TTC33: variants seen among roughly 807,000 people sequenced by gnomAD.
TTC33 encodes tetratricopeptide repeat protein 33.
A neutral mutation model predicts 29.4 loss-of-function variants in TTC33; 24 were observed. The ratio of observed to expected loss-of-function variants is 0.82; its 90% CI spans 0.59 to 1.15. The LOEUF (loss-of-function observed/expected upper bound fraction) is 1.15, where lower values mean the gene tolerates loss of function less well. Ranked by LOEUF, TTC33 falls within the 50% of genes most tolerant of loss-of-function variation. TTC33 has a pLI of 0.00. For missense variants in TTC33, 286 were observed against 310.4 expected (o/e 0.92, Z 0.59); for synonymous variants, 107 against 100.3 (o/e 1.07, Z -0.40).
rs1286758071 is a variant in TTC33, at chr5:40,738,567, T to TAAAATAAAATAAAATATAAAATAAA, written c.222-8225_222-8224insTTTATTTTATATTTTATTTTATTTT. Among the ~76,000 whole-genome samples the TAAAATAAAATAAAATATAAAATAAA allele has an allele frequency of 2.4e-3, 159 of 67,554 alleles. 8 individuals are homozygous for TAAAATAAAATAAAATATAAAATAAA. Among genetic ancestry groups the TAAAATAAAATAAAATATAAAATAAA allele is most frequent in the Admixed American group, 5.7e-3 (36 of 6,366 alleles). The allele number at this position is 67,554 out of a possible 152,430, so 44.3% of individuals were successfully genotyped here. On this transcript the variant is annotated intron_variant, in intron 2 of 4. Transcript: ENST00000337702. The stretch of plus-strand genomic sequence containing the variant: ...TAAAATAAAATAAAATAAAATAAAA[T>TAAAATAAAATAAAATATAAAATAAA]ATAAAATAAAATAAAATAAAATAAA...
At chr5:40,730,209 G>T in intron 3 of TTC33, 53 bp downstream of exon 3, 1 of 1,421,038 alleles carries the variant, frequency 7.0e-7, no homozygotes, top group Non-Finnish European at 9.8e-7. Flanking sequence ...CTCACTCACC[G>T]AACAAACATA....
intron 2 of TTC33, among the ~76,000 whole-genome samples, chr5:40,730,854 T>C (rs1042369187): frequency 3.3e-5 from 5 of 152,154 alleles, no homozygotes; most frequent in Admixed American, 6.5e-5. Context: ...AAAAAGTACA[T>C]GCCACTAAAC....
chr5:40,754,575 C>G (rs771016353), intron 1 of TTC33, among the ~76,000 whole-genome samples: 1 of 152,156 alleles, frequency 6.6e-6, no homozygotes, highest in Non-Finnish European at 1.5e-5. Flanking sequence ...CAAGGGCCCA[C>G]TACTGTGTAA....
chr5:40,727,177 C>T (rs944742787), intron 4 of TTC33, among the ~76,000 whole-genome samples: 5 of 152,282 alleles, frequency 3.3e-5, no homozygotes, highest in South Asian at 4.1e-4. Flanking sequence ...CCACAATTTA[C>T]TAAAACCACT....
rs752584772 is a variant in TTC33, at chr5:40,728,383, A to G, written c.397T>C (p.Leu133=). 9.3e-6 allele frequency: 15 copies of G among 1,613,312 alleles called. No individual in the cohort carries two copies. The highest frequency in any genetic ancestry group is 2.7e-5 in the African/African-American group (2 of 74,938). ...NPHSWESWQT[L]GRAQLGLGEI... ...CCTAAACCAAGTTGAGCACGTCCCA[A>G]AGTCTGCCAAGACTCCCATGAATGT... Residue 133 remains leucine, a synonymous_variant, in exon 4 of 5, where the codon TTG becomes CTG. Transcript: ENST00000337702.
chr5:40,752,630 T>A (rs774920763), intron 1 of TTC33, among the ~76,000 whole-genome samples: 1 of 152,318 alleles, frequency 6.6e-6, no homozygotes, highest in South Asian at 2.1e-4. Flanking sequence ...AAGTTCACCA[T>A]CTCATATGGG....
At chr5:40,744,308 C>G (rs1210951353) in intron 2 of TTC33, among the ~76,000 whole-genome samples, 1 of 152,008 alleles carries the variant, frequency 6.6e-6, no homozygotes, top group Non-Finnish European at 1.5e-5. Context: ...CCCTTTATTC[C>G]CAATTTGAGA....
intron 1 of TTC33, among the ~76,000 whole-genome samples, 154 bp downstream of exon 1, chr5:40,755,670 C>G (rs532677840): frequency 6.6e-6 from 1 of 152,236 alleles, no homozygotes; most frequent in African/African-American, 2.4e-5. Flanking sequence ...GGTCCTTTCT[C>G]CCCTAATCAC....
At chr5:40,739,340 C>T (rs537212335) in intron 2 of TTC33, among the ~76,000 whole-genome samples, 11 of 152,280 alleles carry the variant, frequency 7.2e-5, no homozygotes, top group Non-Finnish European at 1.2e-4. Context: ...AGATCAATTT[C>T]GGGAGAACTG....
intron 2 of TTC33, among the ~76,000 whole-genome samples, chr5:40,746,434 C>A (rs1479693270): frequency 2.6e-5 from 4 of 151,982 alleles, no homozygotes; most frequent in Admixed American, 6.6e-5. Context: ...GCCTAATTTA[C>A]CTGATACATA....
chr5:40,750,167 G>A (rs1742868342), intron 1 of TTC33, among the ~76,000 whole-genome samples: 1 of 151,886 alleles, frequency 6.6e-6, no homozygotes, highest in African/African-American at 2.4e-5. Context: ...TGAACCTTCA[G>A]CAAGTCCTAA....
intron 1 of TTC33, among the ~76,000 whole-genome samples, chr5:40,747,574 G>A (rs1217674882): frequency 1.3e-5 from 2 of 152,080 alleles, no homozygotes; most frequent in African/African-American, 4.8e-5. Context: ...TTAACCCTGA[G>A]TCAGATCAGG....
At chr5:40,737,148 T>A (rs1445882035) in intron 2 of TTC33, among the ~76,000 whole-genome samples, 1 of 151,924 alleles carries the variant, frequency 6.6e-6, no homozygotes, top group Non-Finnish European at 1.5e-5. Context: ...ATACAAAAAA[T>A]CAGCCAGGCA....
intron 2 of TTC33, among the ~76,000 whole-genome samples, chr5:40,740,488 C>G (rs1742668938): frequency 6.6e-6 from 1 of 152,000 alleles, no homozygotes; most frequent in African/African-American, 2.4e-5. Context: ...GCATAGACCT[C>G]CAGCTGACCT....
At chr5:40,749,168 TAAAG>T (rs1742851298) in intron 1 of TTC33, among the ~76,000 whole-genome samples, 1 of 152,014 alleles carries the variant, frequency 6.6e-6, no homozygotes, top group Admixed American at 6.6e-5. Context: ...ATGTAAGAAA[TAAAG>T]AGAGGATAAA....
intron 4 of TTC33, 23 bp from the exon 5 acceptor site, chr5:40,716,521 T>C (rs781469048): frequency 6.6e-7 from 1 of 1,520,756 alleles, no homozygotes; most frequent in Admixed American, 2.1e-5. Context: ...GTCAGAGTTT[T>C]TTGTTTTGGT....
chr5:40,747,082 G>C (rs1365078738), intron 1 of TTC33, 63 bp from the exon 2 acceptor site: 2 of 1,421,826 alleles, frequency 1.4e-6, no homozygotes, highest in East Asian at 4.6e-5. Flanking sequence ...TTTTGAGATG[G>C]AGTCTCACTC....
rs1458457551 is a variant in TTC33 at position 40,713,842 on chromosome 5, TTAGTCTA to T, written c.*2296_*2302del. 6.7e-6 allele frequency among the ~76,000 whole-genome samples: 1 copy of T among 149,782 alleles called. No homozygotes were observed. Among genetic ancestry groups the T allele is most frequent in the Non-Finnish European group, 1.5e-5 (1 of 66,908 alleles). ...AGATTTGTTATTAAAATTAACAAGCTTAGTCTATGTTTGTATATCAGTATTCACATCC... is the reference window on the plus strand; with the variant it reads ...AGATTTGTTATTAAAATTAACAAGCTTGTTTGTATATCAGTATTCACATCC... On this transcript the variant is annotated 3_prime_UTR_variant, in exon 5 of 5. Transcript: ENST00000337702.
chr5:40,751,575 C>T (rs1742894702), intron 1 of TTC33, among the ~76,000 whole-genome samples: 1 of 152,198 alleles, frequency 6.6e-6, no homozygotes, highest in African/African-American at 2.4e-5. Flanking sequence ...AGCCTGTCTT[C>T]TGATGCTTTA....
Sources: allele counts gnomAD v4.1 joint callset (sites outside exome capture counted in the v4.1 genomes callset), GRCh38; gene constraint gnomAD v4.1.1; transcripts MANE v1.5; gene names NCBI Gene and HGNC (gene_info 2026-07-23, HGNC 2026-07-21).